MGLL: variants seen among roughly 807,000 people sequenced by gnomAD.
The protein encoded by MGLL is lysophospholipase homolog.
Under a neutral mutation model 29.1 loss-of-function variants are expected in MGLL, and 7 were observed. The observed-to-expected ratio is 0.24, with a 90% CI of 0.14 to 0.45. The LOEUF (loss-of-function observed/expected upper bound fraction) is 0.45, where lower values mean the gene tolerates loss of function less well. MGLL is among the 20% of genes least tolerant of loss of function. MGLL has a pLI of 0.99. For missense variants in MGLL, 356 were observed against 413.6 expected (o/e 0.86, Z 1.21); for synonymous variants, 148 against 168.3 (o/e 0.88, Z 0.93).
chr3:127,807,275 TC>T (rs2077582715), intron 2 of MGLL, among the ~76,000 whole-genome samples: 1 of 152,166 alleles, frequency 6.6e-6, no homozygotes, highest in Non-Finnish European at 1.5e-5. Context: ...TTATAGTATT[TC>T]TTTATAACCC....
chr3:127,743,981 C>G (rs2076394515), intron 3 of MGLL, among the ~76,000 whole-genome samples: 1 of 152,130 alleles, frequency 6.6e-6, no homozygotes, highest in African/African-American at 2.4e-5. Context: ...TTGTGGCTCT[C>G]TGCATCATCC....
chr3:127,791,724 G>A (rs904525221), intron 2 of MGLL, among the ~76,000 whole-genome samples: 9 of 152,138 alleles, frequency 5.9e-5, no homozygotes, highest in Non-Finnish European at 8.8e-5. Flanking sequence ...GAACTGCATC[G>A]GCTCCATTTG....
chr3:127,798,370 C>T (rs2077421129), intron 2 of MGLL, among the ~76,000 whole-genome samples: 1 of 152,194 alleles, frequency 6.6e-6, no homozygotes, highest in South Asian at 2.1e-4. Context: ...CAGCTTCAGC[C>T]TCTGCTTTGC....
chr3:127,765,139 GAGA>G (rs1209764143), intron 3 of MGLL, among the ~76,000 whole-genome samples: 2 of 152,162 alleles, frequency 1.3e-5, no homozygotes, highest in Non-Finnish European at 2.9e-5. Context: ...CCCTGGTGCC[GAGA>G]AGAATTTCAT....
chr3:127,696,560 C>T (rs1278577220), intron 6 of MGLL, among the ~76,000 whole-genome samples: 1 of 151,720 alleles, frequency 6.6e-6, no homozygotes, highest in Non-Finnish European at 1.5e-5. Flanking sequence ...ATTATAGGCG[C>T]CGGCCATCAC....
intron 3 of MGLL, among the ~76,000 whole-genome samples, chr3:127,723,277 G>A (rs927041142): frequency 1.1e-4 from 16 of 152,180 alleles, no homozygotes; most frequent in African/African-American, 3.9e-4. Context: ...TTCACATTCG[G>A]GCTGAAAGCA....
chr3:127,750,341 T>C (rs1331539548), intron 3 of MGLL, among the ~76,000 whole-genome samples: 2 of 152,152 alleles, frequency 1.3e-5, no homozygotes, highest in African/African-American at 2.4e-5. Flanking sequence ...CCCGGCTCAC[T>C]GGGGGCCTCG....
intron 2 of MGLL, among the ~76,000 whole-genome samples, chr3:127,818,503 C>T (rs1330625259): frequency 6.6e-6 from 1 of 152,010 alleles, no homozygotes; most frequent in African/African-American, 2.4e-5. Context: ...ACCACGGAAC[C>T]CAGCTGATTT....
At chr3:127,799,479 G>A (rs1351449616) in intron 2 of MGLL, 1 of 152,238 alleles carries the variant, frequency 6.6e-6, no homozygotes, top group East Asian at 1.9e-4. Flanking sequence ...CTCCCTCAGA[G>A]TGGGTGAGAA....
At position 127,696,396 on chromosome 3, in the gene MGLL, C is replaced by CTTTTTTT. The variant is rs545853423; in HGVS notation, c.601-1213_601-1207dup. 0.012 allele frequency among the ~76,000 whole-genome samples: 613 copies of CTTTTTTT among 49,384 alleles called. 145 individuals are homozygous for CTTTTTTT. The Middle Eastern group carries it at 0.21, about 17-fold the overall frequency. 32.4% of individuals were successfully genotyped at this position (49,384 alleles called of 152,430 possible). On this transcript the variant is annotated intron_variant, in intron 6 of 7. Transcript: ENST00000265052. Reference sequence around the variant, plus strand: ...GGGCAGGAGTGAGCCCCTGATGCTTCTTTTTTTTTTTTTTTTTTTTTTTTT... The same window carrying CTTTTTTT: ...GGGCAGGAGTGAGCCCCTGATGCTTCTTTTTTTTTTTTTTTTTTTTTTTTTTTTTTTT...
At chr3:127,801,334 C>T (rs1031038805) in intron 2 of MGLL, among the ~76,000 whole-genome samples, 67 of 121,636 alleles carry the variant, frequency 5.5e-4, no homozygotes, top group African/African-American at 1.9e-3. Context: ...GTGGGGGTAA[C>T]GGCCAGGCGC....
chr3:127,799,028 G>T (rs2077432289), intron 2 of MGLL, among the ~76,000 whole-genome samples: 1 of 152,218 alleles, frequency 6.6e-6, no homozygotes, highest in African/African-American at 2.4e-5. Flanking sequence ...AAACACCAAA[G>T]GCCTAGATAG....
chr3:127,784,856 G>A (rs991447706), intron 2 of MGLL, among the ~76,000 whole-genome samples: 5 of 152,172 alleles, frequency 3.3e-5, no homozygotes, highest in Admixed American at 3.3e-4. Context: ...GTCCAGCAAA[G>A]CGAAATCAAA....
intron 3 of MGLL, among the ~76,000 whole-genome samples, chr3:127,765,638 T>C (rs72626387): frequency 0.13 from 19,151 of 152,254 alleles, 1,247 homozygotes; most frequent in Middle Eastern, 0.17. Context: ...GCAACCACTT[T>C]GTAAATTTTT....
chr3:127,815,886 C>T (rs182153680), intron 2 of MGLL, among the ~76,000 whole-genome samples: 16 of 152,202 alleles, frequency 1.1e-4, no homozygotes, highest in African/African-American at 3.4e-4. Context: ...TCTTTGCCAC[C>T]CTTTCCCCAC....
intron 3 of MGLL, chr3:127,735,999 C>G (rs1223318198): frequency 7.0e-7 from 1 of 1,421,086 alleles, no homozygotes; most frequent in Non-Finnish European, 9.2e-7. Flanking sequence ...ACGCTAAAAG[C>G]TCCCAGGTTT....
At chr3:127,750,533 AG>A (rs1177303426) in intron 3 of MGLL, among the ~76,000 whole-genome samples, 2 of 152,146 alleles carry the variant, frequency 1.3e-5, no homozygotes, top group Non-Finnish European at 2.9e-5. Context: ...CCCAAACAGC[AG>A]GTGGAGGCCA....
At chr3:127,773,319 T>C (rs576282290) in intron 3 of MGLL, among the ~76,000 whole-genome samples, 4 of 152,376 alleles carry the variant, frequency 2.6e-5, no homozygotes, top group South Asian at 2.1e-4. Flanking sequence ...GTAGCAGCCA[T>C]GCCACCTTGG....
In MGLL at chr3:127,692,290, C is replaced by T; in HGVS notation, c.850G>A (p.Glu284Lys). The change falls in exon 8 of 8, where the codon GAG becomes AAG. Residue 284 changes from glutamate to lysine, a missense_variant. Transcript: ENST00000265052. ...ACGGAGTTGGTGACTTCAGGAAGCT[C>T]CTTGTGGAGAACATGGTAGGCACCT... ...YEGAYHVLHK[E>K]LPEVTNSVFH... 1.2e-6 allele frequency: 2 copies of T among 1,613,918 alleles called. No individual in the cohort carries two copies. Among genetic ancestry groups the T allele is most frequent in the Non-Finnish European group, 1.7e-6 (2 of 1,179,930 alleles).
Sources: allele counts gnomAD v4.1 joint callset (sites outside exome capture counted in the v4.1 genomes callset), GRCh38; gene constraint gnomAD v4.1.1; transcripts MANE v1.5; gene names NCBI Gene and HGNC (gene_info 2026-07-23, HGNC 2026-07-21).